The following WRN variants were observed in gnomAD, a reference collection of about 807,000 sequenced individuals.
WRN encodes the protein WRN RecQ like helicase.
In WRN, 149 loss-of-function variants were observed where a neutral mutation model predicts 180.7. The ratio of observed to expected loss-of-function variants is 0.82; its 90% CI spans 0.72 to 0.94. The LOEUF is 0.94. Among genes scored for constraint, WRN ranks in the 40% least tolerant of loss-of-function variants. The probability of loss-of-function intolerance (pLI) is 0.00; values close to 1 mark genes in which losing one functional copy is unlikely to be tolerated. For synonymous variants in WRN, 548 were observed against 568.9 expected, an observed-to-expected ratio of 0.96 and a Z score of 0.52; for missense variants, 1,661 against 1,700.1, an observed-to-expected ratio of 0.98 and a Z score of 0.40.
intron 16 of WRN, among the ~76,000 whole-genome samples, chr8:31,093,122 A>G (rs748318591): frequency 2.0e-5 from 3 of 152,028 alleles, no homozygotes; most frequent in Non-Finnish European, 4.4e-5. Context: ...AATTTTTTGT[A>G]GAGACAGGAT....
At chr8:31,084,308 A>G (rs1813437903) in intron 10 of WRN, among the ~76,000 whole-genome samples, 2 of 152,150 alleles carry the variant, frequency 1.3e-5, no homozygotes, top group African/African-American at 4.8e-5. Flanking sequence ...CTTGGATTTC[A>G]TGATTTGACT....
At chr8:31,075,414 G>A (rs1813057935) in intron 7 of WRN, among the ~76,000 whole-genome samples, 1 of 152,078 alleles carries the variant, frequency 6.6e-6, no homozygotes, top group Admixed American at 6.6e-5. Context: ...GATTAGAAAG[G>A]CTTACATTTT....
chr8:31,152,214 C>T (rs1159886747), intron 31 of WRN, among the ~76,000 whole-genome samples: 5 of 151,726 alleles, frequency 3.3e-5, no homozygotes. Context: ...TATTCTAGTC[C>T]CAGCTACTCG....
At chr8:31,159,126 C>A (rs999775902) in intron 33 of WRN, among the ~76,000 whole-genome samples, 1 of 151,608 alleles carries the variant, frequency 6.6e-6, no homozygotes, top group Non-Finnish European at 1.5e-5. Flanking sequence ...TAGTGTGACC[C>A]CCATCTCTAC....
chr8:31,150,858 C>T (rs960752204), intron 31 of WRN, among the ~76,000 whole-genome samples: 11 of 152,186 alleles, frequency 7.2e-5, no homozygotes, highest in Non-Finnish European at 1.5e-4. Context: ...AATCTCCCTC[C>T]CCTTCCAGTA....
chr8:31,119,097 A>G (rs1801622697), intron 20 of WRN, among the ~76,000 whole-genome samples: 1 of 151,904 alleles, frequency 6.6e-6, no homozygotes, highest in African/African-American at 2.4e-5. Context: ...TATGATATTC[A>G]TTCCTATATT....
chr8:31,052,791 A>G (rs936533260), intron 1 of WRN, among the ~76,000 whole-genome samples: 2 of 152,130 alleles, frequency 1.3e-5, no homozygotes, highest in African/African-American at 4.8e-5. Context: ...TTTAGTCATA[A>G]TTTATTATTA....
rs374522855 is a variant in WRN at position 31,132,479 on chromosome 8, G to C, written c.2940G>C (p.Gly980=). The C allele has an allele frequency of 2.3e-4, 378 of 1,613,948 alleles. No homozygotes were observed. Among genetic ancestry groups the C allele is most frequent in the Non-Finnish European group, 3.1e-4 (370 of 1,180,024 alleles). The change falls in exon 24 of 35, where the codon GGG becomes GGC. Residue 980 remains glycine (G), a synonymous_variant. Coordinates refer to ENST00000298139, the MANE Select transcript of WRN (RefSeq NM_000553.6). ...TCTTAGGCGAAAAATTTGGAATTGG[G>C]CTTCCAATTTTATTTCTCCGAGGAT... ...VDILGEKFGI[G]LPILFLRGSN...
At chr8:31,114,693 GT>G (rs1801444086) in intron 19 of WRN, among the ~76,000 whole-genome samples, 1 of 151,984 alleles carries the variant, frequency 6.6e-6, no homozygotes, top group South Asian at 2.1e-4. Context: ...TATAGTTGCA[GT>G]TTTTTGTTGT....
At chr8:31,088,521 G>A (rs1032995600) in intron 12 of WRN, among the ~76,000 whole-genome samples, 1 of 151,974 alleles carries the variant, frequency 6.6e-6, no homozygotes, top group Non-Finnish European at 1.5e-5. Flanking sequence ...TTTAGTGCGG[G>A]ACTAATGTAA....
intron 1 of WRN, among the ~76,000 whole-genome samples, chr8:31,050,671 G>C (rs1190098063): frequency 6.6e-6 from 1 of 151,990 alleles, no homozygotes; most frequent in Non-Finnish European, 1.5e-5. Flanking sequence ...TTTCTTATTA[G>C]TTTTCCTTTG....
At chr8:31,170,967 T>A (rs1301377101) in intron 34 of WRN, among the ~76,000 whole-genome samples, 1 of 152,046 alleles carries the variant, frequency 6.6e-6, no homozygotes, top group Non-Finnish European at 1.5e-5. Context: ...AATTAATGAG[T>A]TTGAAGAAGA....
intron 22 of WRN, 91 bp downstream of exon 22, chr8:31,124,714 G>GA: frequency 7.4e-7 from 1 of 1,358,756 alleles, no homozygotes; most frequent in South Asian, 1.2e-5. Context: ...TCAGTATTTT[G>GA]AAAAAATATT....
In WRN at chr8:31,105,672, C is replaced by T. The variant is rs578036979; in HGVS notation, c.2088+4717C>T. Among the ~76,000 whole-genome samples the T allele has an allele frequency of 1.1e-4, 16 of 152,240 alleles. 1 individual carries two copies. The South Asian group carries it at 3.3e-3, about 32-fold the overall frequency. Reference sequence around the variant, plus strand: ...ATGGGGTTTCACCATATTGGCCAGGCTGGTCTCGAACTCCTGACCTCAGGT... The same window carrying T: ...ATGGGGTTTCACCATATTGGCCAGGTTGGTCTCGAACTCCTGACCTCAGGT... On this transcript the variant is annotated intron_variant, in intron 18 of 34. Transcript: ENST00000298139.
chr8:31,051,037 A>G (rs1407234199), intron 1 of WRN, among the ~76,000 whole-genome samples: 1 of 152,034 alleles, frequency 6.6e-6, no homozygotes, highest in African/African-American at 2.4e-5. Flanking sequence ...TTTTTCCTGA[A>G]CTTCAGATTA....
chr8:31,143,578 A>G lies in WRN; in HGVS notation c.3338A>G (p.Lys1113Arg). 2 of 1,593,188 alleles carry G rather than the reference A, an allele frequency of 1.3e-6. No individual in the cohort carries two copies. Among genetic ancestry groups the G allele is most frequent in the Non-Finnish European group, 1.7e-6 (2 of 1,162,360 alleles). ...KSNLEKLYSY[K>R]PCDKISSGSN... The stretch of plus-strand genomic sequence containing the variant: ...AACTTGGAGAAGTTATATTCTTATA[A>G]ACCATGTGATAAGATTTCTTCTGGG... The change falls in exon 28 of 35, where the codon AAA becomes AGA. Residue 1113 changes from lysine (K) to arginine (R), a missense_variant. Lys to Arg is a conservative substitution (Grantham distance 26, BLOSUM62 2). Around this residue, in one of 3 missense-constraint regions of WRN, gnomAD observed 1,141 missense variants for 1,149.4 expected, o/e 0.99. Transcript: ENST00000298139.
chr8:31,058,521 G>C lies in WRN; in HGVS notation c.74G>C (p.Arg25Thr). Residue 25 changes from arginine (R) to threonine (T), a missense_variant, in exon 2 of 35, where the codon AGA becomes ACA. Physicochemically the swap from Arg to Thr is moderately conservative, Grantham distance 71 (BLOSUM62 -1). This residue lies in a region of WRN where 500 missense variants were observed against 504.1 expected (regional missense o/e 0.99). Coordinates refer to ENST00000298139, the MANE Select transcript of WRN (RefSeq NM_000553.6). Reference sequence around the variant, plus strand: ...GAATGGATGAATGTGCAGAATAAAAGATGTGCTGTAGAAGAAAGAAAGGTA... The same window carrying C: ...GAATGGATGAATGTGCAGAATAAAACATGTGCTGTAGAAGAAAGAAAGGTA... ...CPEWMNVQNKRCAVEERKACV... is the reference protein window; with the variant it reads ...CPEWMNVQNKTCAVEERKACV... 2 of 1,613,802 alleles carry C rather than the reference G, an allele frequency of 1.2e-6. No individual in the cohort carries two copies. Among genetic ancestry groups the C allele is most frequent in the Non-Finnish European group, 8.5e-7 (1 of 1,179,824 alleles).
At chr8:31,071,280 C>CT (rs1299787185) in intron 7 of WRN, among the ~76,000 whole-genome samples, 1 of 151,910 alleles carries the variant, frequency 6.6e-6, no homozygotes, top group Non-Finnish European at 1.5e-5. Context: ...ATCGAAGTGA[C>CT]TGAGAGTTTT....
At chr8:31,088,037 T>C (rs1813606975) in intron 12 of WRN, 117 bp downstream of exon 12, 1 of 1,522,132 alleles carries the variant, frequency 6.6e-7, no homozygotes, top group Non-Finnish European at 8.8e-7. Flanking sequence ...TAGTTAATTA[T>C]TGGATCCTTA....
Sources: allele counts gnomAD v4.1 joint callset (sites outside exome capture counted in the v4.1 genomes callset), GRCh38; gene constraint gnomAD v4.1.1; regional missense constraint gnomAD v4.1.1; transcripts MANE v1.5; gene names NCBI Gene and HGNC (gene_info 2026-07-23, HGNC 2026-07-21).